The following KIAA0040 variants were observed in gnomAD, a reference collection of about 807,000 sequenced individuals.
KIAA0040 encodes the protein uncharacterized protein KIAA0040.
Under a neutral mutation model 7.2 loss-of-function variants are expected in KIAA0040, and 10 were observed. That is an observed-to-expected ratio of 1.38 (90% CI 0.85 to 2.34). KIAA0040 has a LOEUF of 2.34. Among genes scored for constraint, KIAA0040 ranks in the 30% most tolerant of loss-of-function variants. The pLI is 0.00. For synonymous variants in KIAA0040, 49 were observed against 40.1 expected, an observed-to-expected ratio of 1.22 and a Z score of -0.84; for missense variants, 89 against 108.2, an observed-to-expected ratio of 0.82 and a Z score of 0.79.
chr1:175,158,799 G>A lies in KIAA0040; in HGVS notation c.*1915C>T, dbSNP rs1321969798. The stretch of plus-strand genomic sequence containing the variant: ...CCATATAGGGTGAGAGGGCAAATGT[G>A]ACTGGCTATAAAATATATGCAGGTT... On this transcript the variant is annotated 3_prime_UTR_variant, in exon 4 of 4. Coordinates refer to ENST00000423313, the MANE Select transcript of KIAA0040 (RefSeq NM_014656.3). 2 of 152,108 alleles carry A rather than the reference G, an allele frequency of 1.3e-5. No individual in the cohort carries two copies. Among genetic ancestry groups the A allele is most frequent in the Non-Finnish European group, 2.9e-5 (2 of 68,010 alleles). 9.4% of individuals were successfully genotyped at this position (152,108 alleles called of 1,614,324 possible). A position where few individuals can be genotyped will look rare whatever the true frequency, so the allele number is the denominator to read the frequency against.
chr1:175,179,962 C>T (rs1677372273), intron 1 of KIAA0040, among the ~76,000 whole-genome samples: 1 of 152,202 alleles, frequency 6.6e-6, no homozygotes. Flanking sequence ...GGCAACCAAT[C>T]CCCTTCGCAG....
At chr1:175,174,490 G>A (rs1438399752) in intron 2 of KIAA0040, among the ~76,000 whole-genome samples, 1 of 152,152 alleles carries the variant, frequency 6.6e-6, no homozygotes, top group Non-Finnish European at 1.5e-5. Flanking sequence ...TTCCTCATCT[G>A]AGAAATGAGG....
At position 175,158,191 on chromosome 1, in the gene KIAA0040, GGA is replaced by G. The variant is rs1156793887; in HGVS notation, c.*2521_*2522del. ...AGTTACGCCAGGAAAGGTTGTCAGG[GGA>G]GTCTGTGATGGGGAAAAGAGAGGCC... On this transcript the variant is annotated 3_prime_UTR_variant, in exon 4 of 4. Coordinates refer to ENST00000423313, the MANE Select transcript of KIAA0040 (RefSeq NM_014656.3). The G allele has an allele frequency of 6.6e-6, 1 of 152,308 alleles. No individual in the cohort carries two copies. Among genetic ancestry groups the G allele is most frequent in the Non-Finnish European group, 1.5e-5 (1 of 68,110 alleles). 9.4% of individuals were successfully genotyped at this position (152,308 alleles called of 1,614,324 possible). A position where few individuals can be genotyped will look rare whatever the true frequency, so the allele number is the denominator to read the frequency against.
At chr1:175,162,416 C>T (rs1676581966) in intron 3 of KIAA0040, among the ~76,000 whole-genome samples, 1 of 151,946 alleles carries the variant, frequency 6.6e-6, no homozygotes, top group South Asian at 2.1e-4. Context: ...CCCAGACCCA[C>T]CCAGACCTCT....
At chr1:175,185,630 CA>C (rs1677630307) in intron 1 of KIAA0040, among the ~76,000 whole-genome samples, 2 of 152,254 alleles carry the variant, frequency 1.3e-5, no homozygotes, top group South Asian at 4.2e-4. Flanking sequence ...GAAAGGAAAG[CA>C]GTTTGGCAAC....
intron 1 of KIAA0040, among the ~76,000 whole-genome samples, chr1:175,190,199 C>A (rs1677814973): frequency 6.6e-6 from 1 of 152,190 alleles, no homozygotes; most frequent in Non-Finnish European, 1.5e-5. Flanking sequence ...GTGCCATGAA[C>A]CCAGAATTCT....
At chr1:175,175,806 C>T (rs1005857302) in intron 2 of KIAA0040, among the ~76,000 whole-genome samples, 2 of 151,862 alleles carry the variant, frequency 1.3e-5, no homozygotes, top group East Asian at 1.9e-4. Context: ...TGTTCTCACT[C>T]ATAGGTGGGA....
chr1:175,188,145 A>G (rs1311233902), intron 1 of KIAA0040, among the ~76,000 whole-genome samples: 1 of 152,192 alleles, frequency 6.6e-6, no homozygotes, highest in Non-Finnish European at 1.5e-5. Context: ...CTTGCTCACA[A>G]TCGTGGGAGC....
chr1:175,192,807 C>A, upstream of KIAA0040: 2 of 134,904 alleles, frequency 1.5e-5, no homozygotes, highest in South Asian at 2.2e-4. Context: ...CGGCCAAGGT[C>A]GTGGGAGCCG....
Position 175,159,917 on chromosome 1 carries a change from C to T in KIAA0040, c.*797G>A, listed in dbSNP as rs1316297422. ...AGGTCTTGGATCACATTAAACACCT[C>T]TCAGTGGCAATGAGGACGGACTTTG... On this transcript the variant is annotated 3_prime_UTR_variant, in exon 4 of 4. Coordinates refer to ENST00000423313, the MANE Select transcript of KIAA0040 (RefSeq NM_014656.3). The T allele has an allele frequency of 1.3e-5, 2 of 152,988 alleles. No homozygotes were observed. The highest frequency in any genetic ancestry group is 2.9e-5 in the Non-Finnish European group (2 of 68,044). 9.5% of individuals were successfully genotyped at this position (152,988 alleles called of 1,614,324 possible). A position where few individuals can be genotyped will look rare whatever the true frequency, so the allele number is the denominator to read the frequency against.
chr1:175,173,043 C>A (rs1030865483), intron 2 of KIAA0040, among the ~76,000 whole-genome samples: 1 of 152,144 alleles, frequency 6.6e-6, no homozygotes, highest in African/African-American at 2.4e-5. Context: ...TTAACCAGCC[C>A]CTAGTGAATC....
intron 1 of KIAA0040, among the ~76,000 whole-genome samples, chr1:175,190,174 A>T (rs980745883): frequency 6.6e-6 from 1 of 152,240 alleles, no homozygotes; most frequent in Non-Finnish European, 1.5e-5. Flanking sequence ...AATTAAATGC[A>T]TCTTTACTAT....
chr1:175,192,197 G>A (rs927551347), intron 1 of KIAA0040, among the ~76,000 whole-genome samples: 1 of 152,116 alleles, frequency 6.6e-6, no homozygotes. Flanking sequence ...CTGGCTCCAC[G>A]CCATATTTTC....
At chr1:175,192,513 T>A (rs1677901982) in intron 1 of KIAA0040, 127 bp downstream of exon 1, 1 of 152,202 alleles carries the variant, frequency 6.6e-6, no homozygotes, top group African/African-American at 2.4e-5. Context: ...TACTTAGGAA[T>A]AATTCCTTGT....
intron 3 of KIAA0040, among the ~76,000 whole-genome samples, chr1:175,164,204 T>C (rs1209387442): frequency 6.6e-6 from 1 of 152,242 alleles, no homozygotes; most frequent in Non-Finnish European, 1.5e-5. Flanking sequence ...TAACAAGATC[T>C]GAAGAACTCT....
intron 2 of KIAA0040, among the ~76,000 whole-genome samples, chr1:175,175,075 C>G (rs1677132258): frequency 6.6e-6 from 1 of 152,134 alleles, no homozygotes; most frequent in South Asian, 2.1e-4. Context: ...TTTTCTGTTC[C>G]ACAAATAAAG....
At chr1:175,172,626 T>C (rs1351505349) in intron 2 of KIAA0040, among the ~76,000 whole-genome samples, 1 of 152,224 alleles carries the variant, frequency 6.6e-6, no homozygotes, top group Non-Finnish European at 1.5e-5. Flanking sequence ...GGTGTGGGGT[T>C]TGGGGAACAT....
intron 1 of KIAA0040, among the ~76,000 whole-genome samples, chr1:175,182,919 A>G (rs561703589): frequency 2.6e-5 from 4 of 152,324 alleles, no homozygotes; most frequent in African/African-American, 7.2e-5. Context: ...CTGGGGCCCA[A>G]TGCTGAGGAG....
intron 3 of KIAA0040, among the ~76,000 whole-genome samples, chr1:175,163,342 A>G (rs1389826320): frequency 6.6e-6 from 1 of 152,252 alleles, no homozygotes; most frequent in Non-Finnish European, 1.5e-5. Context: ...AAATAAAAAC[A>G]AAGTTCTGCC....
Sources: gnomAD v4.1 joint callset for allele counts (sites outside exome capture counted in the v4.1 genomes callset) on GRCh38, gnomAD v4.1.1 for gene constraint, MANE v1.5 for transcripts, NCBI Gene and HGNC (gene_info 2026-07-23, HGNC 2026-07-21) for gene names.